The following PRR16 variants were observed in gnomAD, a reference collection of about 807,000 sequenced individuals.
The protein encoded by PRR16 is proline rich 16, also known as protein Largen.
Under a neutral mutation model 18.2 loss-of-function variants are expected in PRR16, and 6 were observed. The observed-to-expected ratio is 0.33, with a 90% CI of 0.18 to 0.65. The LOEUF is 0.65. PRR16 is among the 30% of genes least tolerant of loss of function. PRR16 has a pLI of 0.74. For synonymous variants in PRR16, 151 were observed against 147.8 expected (o/e 1.02, Z -0.16); for missense variants, 412 against 376.6 (o/e 1.09, Z -0.78).
chr5:120,782,757 C>G, the PRR16 span, among the ~76,000 whole-genome samples: 1 of 152,172 alleles, frequency 6.6e-6, no homozygotes, highest in Admixed American at 6.5e-5. Context: ...TTTTATTTTT[C>G]TTTGGGCCCT....
At chr5:120,772,575 AACTTCTT>A in the PRR16 span, among the ~76,000 whole-genome samples, 2 of 141,006 alleles carry the variant, frequency 1.4e-5, no homozygotes, top group African/African-American at 2.5e-5. Context: ...AAAAGCTACT[AACTTCTT>A]TATTCTTTCT....
At chr5:120,717,304 C>T in the PRR16 span, among the ~76,000 whole-genome samples, 1 of 151,980 alleles carries the variant, frequency 6.6e-6, no homozygotes. Context: ...TGTCTTTAGC[C>T]AGAGGAAAAA....
the PRR16 span, among the ~76,000 whole-genome samples, chr5:120,701,802 A>G: frequency 2.0e-5 from 3 of 152,124 alleles, no homozygotes; most frequent in Non-Finnish European, 2.9e-5. Flanking sequence ...GAAGGGACTG[A>G]TGTGTAAAAG....
intron 1 of PRR16, among the ~76,000 whole-genome samples, chr5:120,479,353 C>G (rs1270352379): frequency 6.6e-6 from 1 of 152,106 alleles, no homozygotes; most frequent in Non-Finnish European, 1.5e-5. Flanking sequence ...ATGTTGCAAA[C>G]TCTCCCTCAG....
At chr5:120,505,934 A>ATG (rs1554079095) in intron 1 of PRR16, among the ~76,000 whole-genome samples, 2,907 of 130,292 alleles carry the variant, frequency 0.022, 36 homozygotes, top group South Asian at 0.039. Context: ...ATATGTGTGT[A>ATG]TGTGTGTGTG....
the PRR16 span, among the ~76,000 whole-genome samples, chr5:120,728,826 T>C: frequency 6.6e-6 from 1 of 152,206 alleles, no homozygotes. Flanking sequence ...TCGGTGATTA[T>C]GTTTGAAGCC....
At chr5:120,750,392 CT>C in the PRR16 span, among the ~76,000 whole-genome samples, 1 of 151,996 alleles carries the variant, frequency 6.6e-6, no homozygotes, top group Non-Finnish European at 1.5e-5. Flanking sequence ...GGCGCGGTGG[CT>C]CACACCTGTA....
intron 1 of PRR16, among the ~76,000 whole-genome samples, chr5:120,503,854 T>C (rs974133059): frequency 2.6e-5 from 4 of 151,518 alleles, no homozygotes; most frequent in African/African-American, 4.9e-5. Flanking sequence ...GTGTTCTCGT[T>C]GTTCAATTCC....
downstream of PRR16, among the ~76,000 whole-genome samples, chr5:120,690,139 A>C (rs1757192029): frequency 6.6e-6 from 1 of 152,194 alleles, no homozygotes; most frequent in South Asian, 2.1e-4. Flanking sequence ...GAATAAAGGA[A>C]TATGATACAG....
the PRR16 span, among the ~76,000 whole-genome samples, chr5:120,780,310 GATTTA>G: frequency 2.6e-5 from 4 of 152,110 alleles, no homozygotes; most frequent in African/African-American, 9.7e-5. Flanking sequence ...TAAAATAAAT[GATTTA>G]ATTAATATTG....
the PRR16 span, among the ~76,000 whole-genome samples, chr5:120,783,087 G>A: frequency 6.6e-6 from 1 of 152,060 alleles, no homozygotes; most frequent in Non-Finnish European, 1.5e-5. Flanking sequence ...CAGGAAAACA[G>A]GTGCAGCCAT....
the PRR16 span, chr5:120,710,793 T>C: frequency 6.6e-6 from 1 of 152,238 alleles, no homozygotes; most frequent in Non-Finnish European, 1.5e-5. Context: ...GCAAGAATCA[T>C]ACCTTGGATA....
chr5:120,712,978 G>GAAATA, the PRR16 span, among the ~76,000 whole-genome samples: 1 of 152,008 alleles, frequency 6.6e-6, no homozygotes, highest in Non-Finnish European at 1.5e-5. Context: ...ATGACCAAAG[G>GAAATA]AAATAAAATT....
chr5:120,793,996 G>A, the PRR16 span, among the ~76,000 whole-genome samples: 3 of 152,078 alleles, frequency 2.0e-5, no homozygotes, highest in African/African-American at 7.2e-5. Context: ...TATAATATAC[G>A]TGGTTCCTTG....
the PRR16 span, among the ~76,000 whole-genome samples, chr5:120,719,699 C>T: frequency 6.6e-6 from 1 of 151,988 alleles, no homozygotes; most frequent in Non-Finnish European, 1.5e-5. Flanking sequence ...AAGAGAAAAA[C>T]TTTAATTTAA....
intron 1 of PRR16, among the ~76,000 whole-genome samples, chr5:120,501,555 A>G (rs140645533): frequency 1.7e-3 from 261 of 152,304 alleles, no homozygotes; most frequent in African/African-American, 6.1e-3. Context: ...CATTTTCCCT[A>G]TGGTTTAAAA....
intron 1 of PRR16, among the ~76,000 whole-genome samples, chr5:120,567,944 C>T (rs1438484193): frequency 1.3e-5 from 2 of 152,144 alleles, no homozygotes; most frequent in Non-Finnish European, 2.9e-5. Flanking sequence ...GTCCACTCCA[C>T]TTTCCACCCA....
chr5:120,471,883 A>G (rs1393308230), intron 1 of PRR16, among the ~76,000 whole-genome samples: 6 of 152,156 alleles, frequency 3.9e-5, no homozygotes, highest in Non-Finnish European at 7.4e-5. Context: ...CTCACAAGGT[A>G]GTCTGTCAAC....
chr5:120,733,238 G>C, the PRR16 span, among the ~76,000 whole-genome samples: 1 of 151,922 alleles, frequency 6.6e-6, no homozygotes, highest in African/African-American at 2.4e-5. Flanking sequence ...TTGAACTCCT[G>C]GGCTCAAGCT....
Sources: gnomAD v4.1 joint callset for allele counts (sites outside exome capture counted in the v4.1 genomes callset) on GRCh38, gnomAD v4.1.1 for gene constraint, MANE v1.5 for transcripts, NCBI Gene and HGNC (gene_info 2026-07-23, HGNC 2026-07-21) for gene names.